NFIB: variants seen among roughly 807,000 people sequenced by gnomAD.
NFIB encodes nuclear factor I B, also known as nuclear factor 1 B-type.
A neutral mutation model predicts 61.5 loss-of-function variants in NFIB; 11 were observed. The ratio of observed to expected loss-of-function variants is 0.18; its 90% CI spans 0.11 to 0.30. The LOEUF (loss-of-function observed/expected upper bound fraction) is 0.30. Ranked by LOEUF, NFIB falls within the 10% of genes least tolerant of loss-of-function variation. The pLI, the probability that NFIB is intolerant of heterozygous loss-of-function variation, is 1.00. For synonymous variants in NFIB, 260 were observed against 216.5 expected (o/e 1.20, Z -1.76); for missense variants, 471 against 608.9 (o/e 0.77, Z 2.38).
At chr9:14,358,754 T>G (rs80127397) in intron 1 of NFIB, among the ~76,000 whole-genome samples, 1,952 of 152,316 alleles carry the variant, frequency 0.013, 34 homozygotes, top group African/African-American at 0.045. Context: ...TTTTATCCAG[T>G]GGTCTGTTGC....
intron 2 of NFIB, among the ~76,000 whole-genome samples, chr9:14,202,182 C>T (rs2049114455): frequency 6.6e-6 from 1 of 150,650 alleles, no homozygotes; most frequent in Non-Finnish European, 1.5e-5. Flanking sequence ...AGCAGTGGGA[C>T]AAACTTTTTC....
chr9:14,529,029 A>G, the NFIB span, among the ~76,000 whole-genome samples: 1 of 152,174 alleles, frequency 6.6e-6, no homozygotes, highest in South Asian at 2.1e-4. Flanking sequence ...CTAAAGAAGT[A>G]AAATATATAA....
the NFIB span, among the ~76,000 whole-genome samples, chr9:14,423,076 C>T: frequency 1.3e-5 from 2 of 152,108 alleles, no homozygotes; most frequent in African/African-American, 4.8e-5. Context: ...AAAAAGTATG[C>T]CCACATGCCA....
intron 10 of NFIB, among the ~76,000 whole-genome samples, chr9:14,100,124 T>A (rs889817953): frequency 2.0e-5 from 3 of 152,164 alleles, no homozygotes; most frequent in Non-Finnish European, 4.4e-5. Context: ...AAAGAGCTTT[T>A]AGGATCATTA....
At chr9:14,421,159 C>CTTTCTTCCTTCCTGTT in the NFIB span, among the ~76,000 whole-genome samples, 1 of 150,514 alleles carries the variant, frequency 6.6e-6, no homozygotes, top group Non-Finnish European at 1.5e-5. Flanking sequence ...CCCTTCTTTT[C>CTTTCTTCCTTCCTGTT]TTTCTTCCTT....
the NFIB span, among the ~76,000 whole-genome samples, chr9:14,423,062 TA>T: frequency 2.8e-3 from 430 of 152,164 alleles, 3 homozygotes; most frequent in African/African-American, 9.7e-3. Context: ...GACCCTTTTG[TA>T]AAAAAAAGTA....
chr9:14,125,010 C>G (rs549623180), intron 7 of NFIB, among the ~76,000 whole-genome samples: 2 of 152,212 alleles, frequency 1.3e-5, no homozygotes, highest in East Asian at 3.9e-4. Flanking sequence ...CCATCTTTCC[C>G]TTAGTAAAAT....
At chr9:14,190,358 A>G (rs2047812975) in intron 2 of NFIB, among the ~76,000 whole-genome samples, 1 of 152,220 alleles carries the variant, frequency 6.6e-6, no homozygotes, top group Non-Finnish European at 1.5e-5. Context: ...ACAAAGGTAA[A>G]GTAGATTTGT....
chr9:14,156,840 T>G (rs751526620), intron 3 of NFIB, among the ~76,000 whole-genome samples: 5 of 152,128 alleles, frequency 3.3e-5, no homozygotes, highest in Non-Finnish European at 7.3e-5. Flanking sequence ...AGAATTGAAA[T>G]ACATCTGAGA....
chr9:14,235,421 A>G (rs914116398), intron 2 of NFIB, among the ~76,000 whole-genome samples: 1 of 152,216 alleles, frequency 6.6e-6, no homozygotes, highest in Non-Finnish European at 1.5e-5. Context: ...AATGATTAGA[A>G]TAGATAATAA....
In NFIB at chr9:14,307,902, A is replaced by G. The variant is rs1015500738; in HGVS notation, c.31-382T>C. 2.9e-5 allele frequency: 5 copies of G among 171,336 alleles called. No individual in the cohort carries two copies. Among genetic ancestry groups the G allele is most frequent in the Non-Finnish European group, 6.3e-5 (5 of 78,900 alleles). The allele number at this position is 171,336 out of a possible 1,614,324, so 10.6% of individuals were successfully genotyped here. ...TAGTATTTCAATATTTGATTGACCAACTAACACTATGCAGTACCATTTTAC... is the reference window on the plus strand; with the variant it reads ...TAGTATTTCAATATTTGATTGACCAGCTAACACTATGCAGTACCATTTTAC... On this transcript the variant is annotated intron_variant, in intron 1 of 10. Transcript: ENST00000380953. The surrounding 1 kb of genome is among the most constrained non-coding windows in gnomAD (Gnocchi z 5.3).
intron 1 of NFIB, among the ~76,000 whole-genome samples, chr9:14,370,799 A>T (rs1443366888): frequency 6.6e-6 from 1 of 152,182 alleles, no homozygotes; most frequent in African/African-American, 2.4e-5. Flanking sequence ...TCTTTGTTTA[A>T]ATGCTAATGT....
the NFIB span, among the ~76,000 whole-genome samples, chr9:14,513,403 G>T: frequency 6.6e-6 from 1 of 152,060 alleles, no homozygotes; most frequent in African/African-American, 2.4e-5. Context: ...GCTGAGGCGG[G>T]CAGATCACTA....
chr9:14,523,155 A>T, the NFIB span, among the ~76,000 whole-genome samples: 1 of 151,946 alleles, frequency 6.6e-6, no homozygotes, highest in Non-Finnish European at 1.5e-5. Flanking sequence ...CCTGAGGAAA[A>T]GTGGGTCATA....
chr9:14,294,566 C>G (rs1168499356), intron 2 of NFIB, among the ~76,000 whole-genome samples: 1 of 152,154 alleles, frequency 6.6e-6, no homozygotes, highest in Admixed American at 6.6e-5. Flanking sequence ...AACAGAACTG[C>G]TACTAAACAC....
At chr9:14,393,007 T>C (rs750907366) in intron 1 of NFIB, among the ~76,000 whole-genome samples, 7 of 152,226 alleles carry the variant, frequency 4.6e-5, no homozygotes, top group Admixed American at 1.3e-4. Context: ...AATCTTATCA[T>C]TGTTATCTTT....
chr9:14,228,377 G>T lies in NFIB; in HGVS notation c.563-48597C>A, dbSNP rs12685465. 0.031 allele frequency among the ~76,000 whole-genome samples: 4,705 copies of T among 151,838 alleles called. 683 individuals are homozygous for T. In the East Asian group the frequency reaches 0.46, roughly 15 times the overall value. On this transcript the variant is annotated intron_variant, in intron 2 of 10. Transcript: ENST00000380953. ...GCCTGGCTAATTTTTTGCATGTTTA[G>T]TAGAGATAAGGTTTCACCACGTTGG...
chr9:14,330,988 G>A (rs183251911), intron 1 of NFIB, among the ~76,000 whole-genome samples: 130 of 152,190 alleles, frequency 8.5e-4, no homozygotes, highest in African/African-American at 2.9e-3. Context: ...AGCTTTTTCG[G>A]GGGCATTTTA....
At chr9:14,167,653 T>A (rs1224762114) in intron 3 of NFIB, among the ~76,000 whole-genome samples, 1 of 152,182 alleles carries the variant, frequency 6.6e-6, no homozygotes, top group Non-Finnish European at 1.5e-5. Context: ...AAAGAGTGGT[T>A]TCCAAATTTT....
Sources: gnomAD v4.1 joint callset for allele counts (sites outside exome capture counted in the v4.1 genomes callset) on GRCh38, gnomAD v4.1.1 for gene constraint, Gnocchi (gnomAD v3.1) non-coding constraint, MANE v1.5 for transcripts, NCBI Gene and HGNC (gene_info 2026-07-23, HGNC 2026-07-21) for gene names.